The following KIF5C variants were observed in gnomAD, a reference collection of about 807,000 sequenced individuals.
The protein encoded by KIF5C is kinesin heavy chain isoform 5C.
A neutral mutation model predicts 125.2 loss-of-function variants in KIF5C; 18 were observed. The observed-to-expected ratio is 0.14, with a 90% confidence interval of 0.10 to 0.21. The LOEUF is 0.21. Among genes scored for constraint, KIF5C ranks in the 10% least tolerant of loss-of-function variants. The probability of loss-of-function intolerance (pLI) is 1.00; values close to 1 mark genes in which losing one functional copy is unlikely to be tolerated. For missense variants in KIF5C, 780 were observed against 1,183.8 expected, an observed-to-expected ratio of 0.66 and a Z score of 5.01; for synonymous variants, 405 against 434.0, an observed-to-expected ratio of 0.93 and a Z score of 0.83.
At chr2:149,005,780 C>A (rs1681988460) in intron 22 of KIF5C, among the ~76,000 whole-genome samples, 1 of 152,196 alleles carries the variant, frequency 6.6e-6, no homozygotes, top group Non-Finnish European at 1.5e-5. Context: ...TTAGAGCAGT[C>A]ATTTCAGAAA....
intron 25 of KIF5C, chr2:149,020,214 C>T (rs1682491148): frequency 6.6e-6 from 1 of 152,198 alleles, no homozygotes; most frequent in South Asian, 2.1e-4. Flanking sequence ...TGGATGAGAG[C>T]ATCCTGCTGG....
At chr2:148,982,880 T>C (rs1465852180) in intron 14 of KIF5C, among the ~76,000 whole-genome samples, 2 of 152,230 alleles carry the variant, frequency 1.3e-5, no homozygotes, top group Non-Finnish European at 2.9e-5. Context: ...TCTAGCTGCA[T>C]ATGGGAGAAT....
Position 148,950,323 on chromosome 2 carries a change from G to T in KIF5C, c.829G>T (p.Val277Leu). Reference protein sequence around the residue: ...SALAEGTKTHVPYRDSKMTRI... With the variant: ...SALAEGTKTHLPYRDSKMTRI... ...TTCTTTTCCTAAATAGAAAACACATGTGCCATACCGGGACAGCAAGATGAC... is the reference window on the plus strand; with the variant it reads ...TTCTTTTCCTAAATAGAAAACACATTTGCCATACCGGGACAGCAAGATGAC... Residue 277 changes from valine (V) to leucine (L), a missense_variant, in exon 10 of 26, where the codon GTG becomes TTG. Val to Leu is a conservative substitution (Grantham distance 32). Coordinates refer to ENST00000435030, the MANE Select transcript of KIF5C (RefSeq NM_004522.3). 6.2e-7 allele frequency: 1 copy of T among 1,613,762 alleles called. No individual in the cohort carries two copies. Among genetic ancestry groups the T allele is most frequent in the East Asian group, 2.2e-5 (1 of 44,872 alleles).
At chr2:148,993,896 G>C (rs1039251817) in intron 16 of KIF5C, among the ~76,000 whole-genome samples, 3 of 152,180 alleles carry the variant, frequency 2.0e-5, no homozygotes, top group African/African-American at 4.8e-5. Context: ...AGCTAGCCAA[G>C]GTAGTGTGTG....
chr2:148,957,592 T>TGAAAAAAAA (rs1285261249), intron 10 of KIF5C, among the ~76,000 whole-genome samples: 3 of 71,808 alleles, frequency 4.2e-5, no homozygotes, highest in African/African-American at 1.2e-4. Context: ...TTTGTTCTAG[T>TGAAAAAAAA]AAAAAAAAAA....
chr2:148,998,414 G>A lies in KIF5C; in HGVS notation c.2115G>A (p.Gln705=), dbSNP rs368189037. The change falls in exon 19 of 26, where the codon CAG becomes CAA. Residue 705 remains glutamine (Q), a synonymous_variant. Coordinates refer to ENST00000435030, the MANE Select transcript of KIF5C (RefSeq NM_004522.3). ...DAEEMKKALE[Q]QMESHREAHQ... ...CTGGGATGCAGAAGGCGCTGGAGCA[G>A]CAGATGGAGAGCCACCGGGAAGCTC... 1.3e-6 allele frequency: 2 copies of A among 1,563,396 alleles called. No individual in the cohort carries two copies. Among genetic ancestry groups the A allele is most frequent in the Non-Finnish European group, 1.7e-6 (2 of 1,153,812 alleles).
At chr2:148,892,533 C>A (rs541517721) in intron 1 of KIF5C, among the ~76,000 whole-genome samples, 18 of 152,332 alleles carry the variant, frequency 1.2e-4, no homozygotes, top group African/African-American at 4.3e-4. Flanking sequence ...TTGCATTCAT[C>A]TCAAATTATG....
chr2:149,010,664 A>T (rs1241819194), intron 24 of KIF5C, among the ~76,000 whole-genome samples: 1 of 152,252 alleles, frequency 6.6e-6, no homozygotes, highest in Admixed American at 6.5e-5. Context: ...TCTTAGAAAT[A>T]CTGGAATAGG....
chr2:148,875,827 A>C, intron 1 of KIF5C, 84 bp downstream of exon 1: 1 of 1,509,004 alleles, frequency 6.6e-7, no homozygotes, highest in Middle Eastern at 2.3e-4. Context: ...GGAGGTGTTT[A>C]GGCCGCCCCC....
At chr2:148,886,564 T>G (rs1335786208) in intron 1 of KIF5C, among the ~76,000 whole-genome samples, 1 of 152,182 alleles carries the variant, frequency 6.6e-6, no homozygotes, top group Non-Finnish European at 1.5e-5. Context: ...ACTATTCTTG[T>G]GTAGATCAGA....
At chr2:148,975,883 G>A (rs1036827396) in intron 12 of KIF5C, among the ~76,000 whole-genome samples, 1 of 152,232 alleles carries the variant, frequency 6.6e-6, no homozygotes, top group Non-Finnish European at 1.5e-5. Context: ...AGGATTAAAA[G>A]TTTCTAGTAC....
chr2:148,925,956 G>A (rs1393722269), intron 2 of KIF5C, among the ~76,000 whole-genome samples: 1 of 152,304 alleles, frequency 6.6e-6, no homozygotes, highest in Non-Finnish European at 1.5e-5. Flanking sequence ...CAGCAGGACC[G>A]CCTCATCATC....
At chr2:149,014,096 C>T (rs185191823) in intron 25 of KIF5C, among the ~76,000 whole-genome samples, 1 of 152,158 alleles carries the variant, frequency 6.6e-6, no homozygotes, top group South Asian at 2.1e-4. Flanking sequence ...ATGATCTTGG[C>T]TCACTGCATC....
chr2:148,929,771 G>A (rs1023602214), intron 3 of KIF5C, among the ~76,000 whole-genome samples: 4 of 151,692 alleles, frequency 2.6e-5, no homozygotes, highest in African/African-American at 9.7e-5. Flanking sequence ...TTGGCTTGTG[G>A]GCCACGTTCA....
At chr2:148,933,751 G>A (rs943243384) in intron 3 of KIF5C, among the ~76,000 whole-genome samples, 20 of 139,376 alleles carry the variant, frequency 1.4e-4, no homozygotes, top group Admixed American at 2.9e-4. Flanking sequence ...TCATACACAC[G>A]CACACACATA....
At chr2:148,893,497 C>T (rs1196748658) in intron 1 of KIF5C, among the ~76,000 whole-genome samples, 4 of 152,220 alleles carry the variant, frequency 2.6e-5, no homozygotes, top group African/African-American at 9.6e-5. Context: ...TCTGCACGTT[C>T]ACTCGTCCAA....
At chr2:148,957,615 A>C (rs909966423) in intron 10 of KIF5C, among the ~76,000 whole-genome samples, 1 of 149,364 alleles carries the variant, frequency 6.7e-6, no homozygotes, top group Non-Finnish European at 1.5e-5. Flanking sequence ...AAAAAAAAAA[A>C]AACAATAAAC....
chr2:148,990,922 C>T, intron 15 of KIF5C, 88 bp from the exon 16 acceptor site: 12 of 1,483,138 alleles, frequency 8.1e-6, no homozygotes, highest in Non-Finnish European at 1.1e-5. Flanking sequence ...CCATGGACAC[C>T]TTGGGGATCC....
chr2:148,914,817 G>A (rs919547567), intron 1 of KIF5C, among the ~76,000 whole-genome samples: 5 of 152,236 alleles, frequency 3.3e-5, no homozygotes, highest in Admixed American at 2.0e-4. Context: ...CAGTTACAGC[G>A]TCATCCCATG....
Sources: gnomAD v4.1 joint callset for allele counts (sites outside exome capture counted in the v4.1 genomes callset) on GRCh38, gnomAD v4.1.1 for gene constraint, MANE v1.5 for transcripts, NCBI Gene and HGNC (gene_info 2026-07-23, HGNC 2026-07-21) for gene names.